NELL1: variants seen among roughly 807,000 people sequenced by gnomAD.
The protein encoded by NELL1 is protein kinase C-binding protein NELL1.
NELL1 carries 76 observed loss-of-function variants against 107.4 expected under a neutral mutation model. The ratio of observed to expected loss-of-function variants is 0.71; its 90% CI spans 0.59 to 0.86. The LOEUF (loss-of-function observed/expected upper bound fraction) is 0.86, where lower values mean the gene tolerates loss of function less well. Ranked by LOEUF, NELL1 falls within the 40% of genes least tolerant of loss-of-function variation. The probability of loss-of-function intolerance (pLI) is 0.00; values close to 1 mark genes in which losing one functional copy is unlikely to be tolerated. For missense variants in NELL1, 1,024 were observed against 1,005.5 expected (o/e 1.02, Z -0.25); for synonymous variants, 353 against 341.2 (o/e 1.03, Z -0.38).
chr11:21,134,376 G>C lies in NELL1; in HGVS notation c.1426+20662G>C, dbSNP rs1352952280. On this transcript the variant is annotated intron_variant, in intron 13 of 19. Coordinates refer to ENST00000357134, the MANE Select transcript of NELL1 (RefSeq NM_006157.5). ...TCTTCCTCAGTGGAAGGACAGGAAG[G>C]AGTCAAAGCATAGAGGAAGAAAGAT... 3.9e-5 allele frequency among the ~76,000 whole-genome samples: 6 copies of C among 152,106 alleles called. No homozygotes were observed. The East Asian group carries it at 1.2e-3, about 29-fold the overall frequency.
intron 15 of NELL1, among the ~76,000 whole-genome samples, chr11:21,393,927 G>A (rs942662937): frequency 1.3e-5 from 2 of 151,598 alleles, no homozygotes; most frequent in Non-Finnish European, 3.0e-5. Context: ...CTGGGTATTG[G>A]AAGAGCTTCT....
chr11:21,155,699 A>G (rs1055514131), intron 13 of NELL1, among the ~76,000 whole-genome samples: 3 of 152,102 alleles, frequency 2.0e-5, no homozygotes, highest in African/African-American at 7.2e-5. Flanking sequence ...AGGGCTTTAT[A>G]TTAAATGGTG....
intron 14 of NELL1, among the ~76,000 whole-genome samples, chr11:21,306,063 G>T (rs1435069845): frequency 6.6e-6 from 1 of 151,872 alleles, no homozygotes; most frequent in Non-Finnish European, 1.5e-5. Flanking sequence ...GTATTACTGA[G>T]GTTGAGATTA....
intron 2 of NELL1, among the ~76,000 whole-genome samples, chr11:20,698,861 T>A (rs1162782582): frequency 1.3e-5 from 2 of 152,194 alleles, no homozygotes; most frequent in Non-Finnish European, 2.9e-5. Flanking sequence ...TCTCATAGCA[T>A]AGCTCCCACT....
chr11:20,997,465 G>A (rs922216152), intron 12 of NELL1, among the ~76,000 whole-genome samples: 5 of 152,170 alleles, frequency 3.3e-5, no homozygotes, highest in African/African-American at 9.6e-5. Context: ...TTGTGGAACA[G>A]AATAAGGGCA....
intron 2 of NELL1, among the ~76,000 whole-genome samples, chr11:20,775,708 A>G (rs970630321): frequency 6.6e-6 from 1 of 152,128 alleles, no homozygotes; most frequent in Non-Finnish European, 1.5e-5. Context: ...GAATGCATTG[A>G]TTTTCCTACT....
chr11:21,438,164 T>C (rs753376321), intron 15 of NELL1, among the ~76,000 whole-genome samples: 1 of 152,202 alleles, frequency 6.6e-6, no homozygotes, highest in African/African-American at 2.4e-5. Context: ...TGCCACTCTA[T>C]TGATAATAAT....
chr11:21,343,547 A>C (rs1850621663), intron 14 of NELL1, among the ~76,000 whole-genome samples: 1 of 152,142 alleles, frequency 6.6e-6, no homozygotes, highest in South Asian at 2.1e-4. Flanking sequence ...ATCATCCATT[A>C]GTGTCTGTTG....
Position 20,756,797 on chromosome 11 carries a change from G to A in NELL1, c.185-26883G>A, listed in dbSNP as rs78699898. On this transcript the variant is annotated intron_variant, in intron 2 of 19. Coordinates refer to ENST00000357134, the MANE Select transcript of NELL1 (RefSeq NM_006157.5). ...TCCAGATACTGCCACATATCCCTGA[G>A]AGAGGGGGGAAATGCCTCTAGTTAA... Among the ~76,000 whole-genome samples, 792 of 152,264 alleles carry A rather than the reference G, an allele frequency of 5.2e-3. 4 individuals are homozygous for A. Among genetic ancestry groups the A allele is most frequent in the African/African-American group, 0.018 (759 of 41,552 alleles).
intron 12 of NELL1, among the ~76,000 whole-genome samples, chr11:21,105,308 G>T (rs1469700980): frequency 6.6e-6 from 1 of 152,138 alleles, no homozygotes; most frequent in African/African-American, 2.4e-5. Flanking sequence ...TTCTGCCCAA[G>T]GCAAAGTGCA....
chr11:20,782,657 C>T (rs895482616), intron 2 of NELL1, among the ~76,000 whole-genome samples: 1 of 152,178 alleles, frequency 6.6e-6, no homozygotes, highest in African/African-American at 2.4e-5. Context: ...TCAAGGGCTT[C>T]CCATGTAGTC....
At chr11:21,165,941 G>GTTTAGTAATTAT (rs1213310881) in intron 13 of NELL1, among the ~76,000 whole-genome samples, 1 of 151,262 alleles carries the variant, frequency 6.6e-6, no homozygotes, top group African/African-American at 2.5e-5. Context: ...TTTTAGTAGA[G>GTTTAGTAATTAT]ACGGGGTTTC....
intron 16 of NELL1, among the ~76,000 whole-genome samples, chr11:21,558,303 T>C (rs1856769233): frequency 6.6e-6 from 1 of 151,538 alleles, no homozygotes; most frequent in Non-Finnish European, 1.5e-5. Flanking sequence ...TAAAAAAAAA[T>C]CAGTTGACAA....
chr11:21,086,698 G>A (rs1247609679), intron 12 of NELL1, among the ~76,000 whole-genome samples: 1 of 152,006 alleles, frequency 6.6e-6, no homozygotes, highest in African/African-American at 2.4e-5. Flanking sequence ...CCTAAAATAG[G>A]TTCTAACTGA....
chr11:20,717,138 C>A (rs1855271044), intron 2 of NELL1, among the ~76,000 whole-genome samples: 1 of 152,190 alleles, frequency 6.6e-6, no homozygotes. Context: ...ATGGCACATA[C>A]CTTACCACAG....
chr11:21,475,359 T>C lies in NELL1; in HGVS notation c.1646-59015T>C, dbSNP rs188860631. The stretch of plus-strand genomic sequence containing the variant: ...CCCCAGCCTAAACGGTTCTGTAGTA[T>C]ATTGTAATGTTGTTCATAGCTCTTG... On this transcript the variant is annotated intron_variant, in intron 15 of 19. Coordinates refer to ENST00000357134, the MANE Select transcript of NELL1 (RefSeq NM_006157.5). 2.5e-3 allele frequency among the ~76,000 whole-genome samples: 377 copies of C among 152,314 alleles called. 4 individuals are homozygous for C. In the Middle Eastern group the frequency reaches 0.031, roughly 12 times the overall value.
At chr11:21,373,350 A>C (rs1851399110) in intron 15 of NELL1, among the ~76,000 whole-genome samples, 2 of 152,148 alleles carry the variant, frequency 1.3e-5, no homozygotes, top group Non-Finnish European at 2.9e-5. Context: ...GCCTTCAAAT[A>C]GTTGTGCTAG....
At chr11:21,295,479 G>A (rs1849354386) in intron 14 of NELL1, among the ~76,000 whole-genome samples, 1 of 152,028 alleles carries the variant, frequency 6.6e-6, no homozygotes. Flanking sequence ...AAACAGGAAT[G>A]ATGTGCTATT....
At chr11:21,126,740 G>A (rs780078626) in intron 13 of NELL1, among the ~76,000 whole-genome samples, 6 of 152,162 alleles carry the variant, frequency 3.9e-5, no homozygotes, top group Non-Finnish European at 7.3e-5. Flanking sequence ...TTGGAAAGCC[G>A]CTTGCCTTGA....
Sources: allele counts gnomAD v4.1 joint callset (sites outside exome capture counted in the v4.1 genomes callset), GRCh38; gene constraint gnomAD v4.1.1; transcripts MANE v1.5; gene names NCBI Gene and HGNC (gene_info 2026-07-23, HGNC 2026-07-21).